Variants in PIN4 observed in about 807,000 individuals in gnomAD.
PIN4 encodes the protein peptidylprolyl cis/trans isomerase, NIMA-interacting 4.
In PIN4, 3 loss-of-function variants were observed where a neutral mutation model predicts 8.3. The ratio of observed to expected loss-of-function variants is 0.36; its 90% CI spans 0.16 to 0.93. The LOEUF is 0.93. Ranked by LOEUF, PIN4 falls within the 40% of genes least tolerant of loss-of-function variation. The pLI, the probability that PIN4 is intolerant of heterozygous loss-of-function variation, is 0.44. For missense variants in PIN4, 75 were observed against 100.6 expected (o/e 0.75, Z 1.09); for synonymous variants, 18 against 32.5 (o/e 0.55, Z 1.52).
intron 1 of PIN4, among the ~76,000 whole-genome samples, chrX:72,185,982 A>C (rs1306363636): frequency 8.9e-6 from 1 of 111,755 alleles, no homozygotes; most frequent in Non-Finnish European, 1.9e-5. Flanking sequence ...AGGCTTCCGG[A>C]GCTTTCATTC....
intron 3 of PIN4, among the ~76,000 whole-genome samples, chrX:72,222,712 C>T (rs2042931453): frequency 9.2e-6 from 1 of 108,496 alleles, no homozygotes; most frequent in Non-Finnish European, 1.9e-5. Flanking sequence ...ATTCTCCTGC[C>T]TCAGCCTCCT....
chrX:72,246,579 A>T (rs1199569604), intron 3 of PIN4, among the ~76,000 whole-genome samples: 1 of 110,243 alleles, frequency 9.1e-6, no homozygotes, highest in East Asian at 2.8e-4. Context: ...GCCTCTGACT[A>T]CCTCTCTGGC....
intron 3 of PIN4, among the ~76,000 whole-genome samples, chrX:72,255,174 A>G (rs2147617733): frequency 9.2e-6 from 1 of 108,705 alleles, no homozygotes; most frequent in Non-Finnish European, 1.9e-5. Flanking sequence ...ATAATAGTCC[A>G]TTGGCGGATC....
chrX:72,259,716 G>A (rs2043129413), intron 3 of PIN4, among the ~76,000 whole-genome samples: 1 of 104,367 alleles, frequency 9.6e-6, no homozygotes, highest in Non-Finnish European at 1.9e-5. Context: ...TGGCACAGAG[G>A]CCATATCCTT....
chrX:72,227,865 A>G (rs2042962037), intron 3 of PIN4, among the ~76,000 whole-genome samples: 1 of 112,598 alleles, frequency 8.9e-6, no homozygotes, highest in South Asian at 3.6e-4. Context: ...ATCCTTAAAT[A>G]TCGGCCAGCC....
rs994647170 is a variant in PIN4 at position 72,241,621 on chromosome X, G to A, written c.313-21086G>A. ...GCAGATCATCTGAGGTCGGGAGTTC[G>A]AGACCAGCCTGACGGAGAAACCCTG... is the stretch of plus-strand genomic sequence containing the variant. On this transcript the variant is annotated intron_variant, in intron 3 of 3. Transcript: ENST00000423432. Among the ~76,000 whole-genome samples, 8 of 112,219 alleles carry A rather than the reference G, an allele frequency of 7.1e-5. No individual in the cohort carries two copies. The South Asian group carries it at 1.5e-3, about 21-fold the overall frequency.
intron 3 of PIN4, chrX:72,208,593 G>T: frequency 1.7e-6 from 2 of 1,211,009 alleles, no homozygotes; most frequent in Non-Finnish European, 2.2e-6. Flanking sequence ...TTTGGATTCT[G>T]CTCAGCACTT....
At chrX:72,230,808 AC>A (rs1250495590) in intron 3 of PIN4, among the ~76,000 whole-genome samples, 2 of 111,004 alleles carry the variant, frequency 1.8e-5, no homozygotes, top group Non-Finnish European at 3.8e-5. Context: ...TACCAAAAAT[AC>A]AAAAAATTAG....
At chrX:72,221,587 G>A (rs994050564) in intron 3 of PIN4, among the ~76,000 whole-genome samples, 6 of 111,340 alleles carry the variant, frequency 5.4e-5, no homozygotes, top group African/African-American at 1.6e-4. Flanking sequence ...TTGGCTTACC[G>A]GGAAGCATAA....
At chrX:72,183,896 G>T (rs753898014) in intron 1 of PIN4, among the ~76,000 whole-genome samples, 1 of 111,106 alleles carries the variant, frequency 9.0e-6, no homozygotes, top group Non-Finnish European at 1.9e-5. Context: ...TAGGAAAGGA[G>T]ATGGAGGGGC....
chrX:72,225,653 T>C (rs1395053738), intron 3 of PIN4, among the ~76,000 whole-genome samples: 1 of 111,860 alleles, frequency 8.9e-6, no homozygotes, highest in Non-Finnish European at 1.9e-5. Context: ...ATTTTGCCAT[T>C]ATCACTAAAC....
intron 3 of PIN4, among the ~76,000 whole-genome samples, chrX:72,262,219 T>A (rs1267564481): frequency 1.8e-5 from 2 of 112,515 alleles, no homozygotes; most frequent in Non-Finnish European, 3.7e-5. Context: ...TCCAAGTTCT[T>A]AGCGCTCTGC....
chrX:72,182,308 G>A (rs1240058530), intron 1 of PIN4, among the ~76,000 whole-genome samples: 1 of 111,670 alleles, frequency 9.0e-6, no homozygotes, highest in Non-Finnish European at 1.9e-5. Context: ...TTGGGAGGCC[G>A]AGGGAGGATG....
At chrX:72,215,409 A>G (rs2042882415) in intron 3 of PIN4, among the ~76,000 whole-genome samples, 1 of 112,293 alleles carries the variant, frequency 8.9e-6, no homozygotes, top group Non-Finnish European at 1.9e-5. Flanking sequence ...CTAAACAAAT[A>G]TTGAAATCCA....
intron 3 of PIN4, among the ~76,000 whole-genome samples, chrX:72,233,837 G>A (rs1474971255): frequency 1.1e-4 from 12 of 108,731 alleles, no homozygotes; most frequent in Admixed American, 3.0e-4. Flanking sequence ...TTTTTTGACC[G>A]GGCAAGGGGG....
At chrX:72,202,194 C>CT (rs751391299), downstream of PIN4, among the ~76,000 whole-genome samples, 1 of 112,601 alleles carries the variant, frequency 8.9e-6, no homozygotes, top group African/African-American at 3.2e-5. Flanking sequence ...AAAGATAAAA[C>CT]TTTTTTTCCT....
intron 2 of PIN4, among the ~76,000 whole-genome samples, chrX:72,192,736 G>C (rs935037453): frequency 2.7e-5 from 3 of 110,567 alleles, no homozygotes; most frequent in Admixed American, 9.7e-5. Context: ...TAAGACTACA[G>C]ATGTGCACCA....
At chrX:72,233,653 C>T (rs1007349894) in intron 3 of PIN4, among the ~76,000 whole-genome samples, 27 of 104,240 alleles carry the variant, frequency 2.6e-4, no homozygotes, top group East Asian at 1.0e-3. Flanking sequence ...ACCCAGGAGG[C>T]GAAGTTTACA....
At chrX:72,236,277 G>T (rs1190667682) in intron 3 of PIN4, among the ~76,000 whole-genome samples, 3 of 111,670 alleles carry the variant, frequency 2.7e-5, no homozygotes, top group African/African-American at 9.8e-5. Flanking sequence ...AACACAGTGA[G>T]ACTTCATCTC....
Sources: allele counts gnomAD v4.1 joint callset (sites outside exome capture counted in the v4.1 genomes callset), GRCh38; gene constraint gnomAD v4.1.1; transcripts MANE v1.5; gene names NCBI Gene and HGNC (gene_info 2026-07-23, HGNC 2026-07-21).